TMEM117: variants seen among roughly 807,000 people sequenced by gnomAD.
The protein encoded by TMEM117 is transmembrane protein 117.
In TMEM117, 27 loss-of-function variants were observed where a neutral mutation model predicts 52.4. The observed-to-expected ratio is 0.51, with a 90% CI of 0.38 to 0.71. The LOEUF is 0.71. Ranked by LOEUF, TMEM117 falls within the 30% of genes least tolerant of loss-of-function variation. The pLI is 0.00. For missense variants in TMEM117, 556 were observed against 630.5 expected, an observed-to-expected ratio of 0.88 and a Z score of 1.26; for synonymous variants, 215 against 206.3, an observed-to-expected ratio of 1.04 and a Z score of -0.36.
At chr12:44,119,331 C>T (rs1490825706) in intron 3 of TMEM117, among the ~76,000 whole-genome samples, 1 of 152,148 alleles carries the variant, frequency 6.6e-6, no homozygotes, top group African/African-American at 2.4e-5. Context: ...AAGCTGACCA[C>T]CTCAGCACAA....
rs539649274 is a variant in TMEM117 at position 44,317,284 on chromosome 12, T to TTATATATA, written c.768+17553_768+17560dup. Among the ~76,000 whole-genome samples the TTATATATA allele has an allele frequency of 2.2e-3, 318 of 147,008 alleles. 2 individuals are homozygous for TTATATATA. Among genetic ancestry groups the TTATATATA allele is most frequent in the Middle Eastern group, 3.5e-3 (1 of 288 alleles). ...TAGGATTTTCCCCTTTCTTTCCCTA[T>TTATATATA]TATATATATATATATGTTTTTTTTT... On this transcript the variant is annotated intron_variant, in intron 6 of 7. Transcript: ENST00000266534.
At chr12:43,797,686 A>G in the TMEM117 span, 1 of 1,606,756 alleles carries the variant, frequency 6.2e-7, no homozygotes, top group East Asian at 2.2e-5. Context: ...CAGCCACTTA[A>G]TAATCATTAT....
chr12:43,858,967 C>G (rs1943443327), intron 2 of TMEM117, among the ~76,000 whole-genome samples: 1 of 152,274 alleles, frequency 6.6e-6, no homozygotes, highest in Non-Finnish European at 1.5e-5. Context: ...GGGACAGTCT[C>G]TTTTGAAGGG....
intron 3 of TMEM117, among the ~76,000 whole-genome samples, chr12:43,997,034 C>A (rs1336815386): frequency 6.6e-6 from 1 of 152,162 alleles, no homozygotes; most frequent in Non-Finnish European, 1.5e-5. Flanking sequence ...CCAGTAGATT[C>A]TTTTTGTTGA....
chr12:44,034,361 C>T (rs1025846118), intron 3 of TMEM117, among the ~76,000 whole-genome samples: 2 of 152,044 alleles, frequency 1.3e-5, no homozygotes, highest in African/African-American at 4.8e-5. Context: ...CTTATGGCCT[C>T]GTAGGGAAAT....
chr12:43,977,799 C>T (rs534789346), intron 3 of TMEM117, among the ~76,000 whole-genome samples: 4 of 152,202 alleles, frequency 2.6e-5, no homozygotes, highest in African/African-American at 7.2e-5. Flanking sequence ...GGACCATTAC[C>T]AGTTTTAATT....
At chr12:44,103,677 A>G (rs1422921827) in intron 3 of TMEM117, among the ~76,000 whole-genome samples, 1 of 151,960 alleles carries the variant, frequency 6.6e-6, no homozygotes, top group Admixed American at 6.6e-5. Context: ...TTGCATGCTG[A>G]TGGATCCCAG....
At chr12:44,056,925 A>G (rs540032605) in intron 3 of TMEM117, among the ~76,000 whole-genome samples, 1 of 152,288 alleles carries the variant, frequency 6.6e-6, no homozygotes, top group African/African-American at 2.4e-5. Context: ...GTGAGCAGGC[A>G]CCCACCTATA....
chr12:44,158,928 A>T (rs1201241742), intron 4 of TMEM117, among the ~76,000 whole-genome samples: 1 of 152,114 alleles, frequency 6.6e-6, no homozygotes, highest in Non-Finnish European at 1.5e-5. Flanking sequence ...GATTGTAGCT[A>T]ATGTGCAAGT....
At chr12:44,304,717 G>A (rs970670846) in intron 6 of TMEM117, among the ~76,000 whole-genome samples, 3 of 152,174 alleles carry the variant, frequency 2.0e-5, no homozygotes, top group Admixed American at 2.0e-4. Flanking sequence ...GGGCCAGAAG[G>A]GAACCCACTG....
At chr12:44,146,728 G>A (rs754938373) in intron 4 of TMEM117, among the ~76,000 whole-genome samples, 33 of 152,062 alleles carry the variant, frequency 2.2e-4, no homozygotes, top group Admixed American at 4.6e-4. Flanking sequence ...GAAGTCTAAC[G>A]TAGCCTTGAC....
chr12:44,327,401 T>C (rs1300465673), intron 6 of TMEM117, among the ~76,000 whole-genome samples: 1 of 152,198 alleles, frequency 6.6e-6, no homozygotes, highest in Non-Finnish European at 1.5e-5. Context: ...TCGAAATGCA[T>C]AATTTTTGCC....
intron 2 of TMEM117, among the ~76,000 whole-genome samples, chr12:43,877,928 C>CAG: frequency 6.8e-6 from 1 of 148,084 alleles, no homozygotes; most frequent in Non-Finnish European, 1.5e-5. Context: ...CACACACACA[C>CAG]AGACAGAATA....
At chr12:43,824,220 C>T in the TMEM117 span, among the ~76,000 whole-genome samples, 1 of 152,212 alleles carries the variant, frequency 6.6e-6, no homozygotes, top group Non-Finnish European at 1.5e-5. Flanking sequence ...CCTAGGGAGG[C>T]TCTCTGGTCA....
At chr12:44,321,872 T>C (rs1951134884) in intron 6 of TMEM117, among the ~76,000 whole-genome samples, 1 of 152,194 alleles carries the variant, frequency 6.6e-6, no homozygotes, top group Non-Finnish European at 1.5e-5. Flanking sequence ...TAGTGGCAAA[T>C]GTATCTTTAA....
intron 2 of TMEM117, among the ~76,000 whole-genome samples, chr12:43,903,918 T>G (rs1944343749): frequency 6.6e-6 from 1 of 152,182 alleles, no homozygotes; most frequent in Non-Finnish European, 1.5e-5. Flanking sequence ...AATGCCATCA[T>G]TCTGATGGCT....
At chr12:44,021,561 G>A (rs946168615) in intron 3 of TMEM117, among the ~76,000 whole-genome samples, 10 of 152,158 alleles carry the variant, frequency 6.6e-5, no homozygotes, top group Non-Finnish European at 1.0e-4. Context: ...ACATCCAGTT[G>A]CTTTAAATAT....
At chr12:44,098,627 C>G (rs958923438) in intron 3 of TMEM117, among the ~76,000 whole-genome samples, 2 of 151,968 alleles carry the variant, frequency 1.3e-5, no homozygotes, top group Non-Finnish European at 1.5e-5. Context: ...GGGCTAAACC[C>G]CTTCTTAGAC....
intron 5 of TMEM117, among the ~76,000 whole-genome samples, chr12:44,285,024 A>C (rs544110463): frequency 4.6e-5 from 7 of 152,340 alleles, no homozygotes; most frequent in South Asian, 4.1e-4. Flanking sequence ...GGAGATTGCC[A>C]ATGTGCAGGA....
Sources: gnomAD v4.1 joint callset for allele counts (sites outside exome capture counted in the v4.1 genomes callset) on GRCh38, gnomAD v4.1.1 for gene constraint, MANE v1.5 for transcripts, NCBI Gene and HGNC (gene_info 2026-07-23, HGNC 2026-07-21) for gene names.